Variants in USP43 observed in about 807,000 individuals in gnomAD.
USP43 encodes ubiquitin specific peptidase 43, also known as ubiquitin carboxyl-terminal hydrolase 43.
A neutral mutation model predicts 90.7 loss-of-function variants in USP43; 33 were observed. The ratio of observed to expected loss-of-function variants is 0.36; its 90% CI spans 0.28 to 0.49. USP43 has a LOEUF of 0.49. Among genes scored for constraint, USP43 ranks in the 20% least tolerant of loss-of-function variants. The probability of loss-of-function intolerance (pLI) is 0.98; values close to 1 mark genes in which losing one functional copy is unlikely to be tolerated. For synonymous variants in USP43, 598 were observed against 615.8 expected (o/e 0.97, Z 0.43); for missense variants, 1,274 against 1,476.4 (o/e 0.86, Z 2.25).
intron 3 of USP43, among the ~76,000 whole-genome samples, chr17:9,668,652 T>G (rs1913198091): frequency 6.6e-6 from 1 of 152,184 alleles, no homozygotes; most frequent in Non-Finnish European, 1.5e-5. Flanking sequence ...GGTTGTTTAG[T>G]ATACAGGGTA....
intron 9 of USP43, among the ~76,000 whole-genome samples, chr17:9,694,249 G>T (rs1915125482): frequency 6.6e-6 from 1 of 152,114 alleles, no homozygotes; most frequent in African/African-American, 2.4e-5. Flanking sequence ...AACCAGGGTA[G>T]CAGGTGAGCC....
intron 2 of USP43, among the ~76,000 whole-genome samples, chr17:9,664,394 C>T (rs904091651): frequency 7.9e-5 from 12 of 152,156 alleles, no homozygotes; most frequent in African/African-American, 2.7e-4. Flanking sequence ...CTGGTTCTGT[C>T]GTCTGCTTTC....
In USP43 at chr17:9,686,713, G is replaced by T; in HGVS notation, c.1242-85G>T. 1 of 1,184,266 alleles carries T rather than the reference G, an allele frequency of 8.4e-7. No homozygotes were observed. 73.4% of individuals were successfully genotyped at this position (1,184,266 alleles called of 1,614,324 possible). A position where few individuals can be genotyped will look rare whatever the true frequency, so the allele number is the denominator to read the frequency against. The stretch of plus-strand genomic sequence containing the variant: ...TTGTCACTTATCCTATTGACAGGAA[G>T]CCAGGGTTAGAACAACCACTCATGA... On this transcript the variant is annotated intron_variant, in intron 7 of 14. Transcript: ENST00000285199. This position sits in a 1 kb window ranked among gnomAD's most constrained non-coding sequence, Gnocchi z 5.5.
At chr17:9,707,198 C>T (rs1047630529) in intron 12 of USP43, among the ~76,000 whole-genome samples, 6 of 152,102 alleles carry the variant, frequency 3.9e-5, no homozygotes, top group Admixed American at 6.6e-5. Flanking sequence ...ATCATGACCT[C>T]CTGATGTGCG....
At chr17:9,654,058 G>A (rs1447324602) in intron 1 of USP43, among the ~76,000 whole-genome samples, 1 of 152,162 alleles carries the variant, frequency 6.6e-6, no homozygotes, top group Non-Finnish European at 1.5e-5. Flanking sequence ...GAGATTTTGA[G>A]TTGGAAGGGC....
intron 3 of USP43, among the ~76,000 whole-genome samples, chr17:9,671,171 T>C (rs550952693): frequency 6.6e-6 from 1 of 152,350 alleles, no homozygotes; most frequent in South Asian, 2.1e-4. Context: ...TCCTGGACTA[T>C]AGCAAAGATA....
At position 9,682,852 on chromosome 17, in the gene USP43, C is replaced by A; in HGVS notation, c.1135C>A (p.Arg379Ser). ...AHPLGLSASP[R>S]LAAREGQRFS... is the part of the protein sequence containing the mutation. ...TCCACTGGGTCTGTCGGCCTCCCCA[C>A]GCCTGGCAGCCCGTGAGGGCCAGCG... Residue 379 changes from arginine (R) to serine (S), a missense_variant, in exon 7 of 15, where the codon CGC becomes AGC. By Grantham distance (110) the Arg-to-Ser change is moderately radical. Coordinates refer to ENST00000285199, the MANE Select transcript of USP43 (RefSeq NM_153210.5). 6.2e-7 allele frequency: 1 copy of A among 1,614,012 alleles called. No individual in the cohort carries two copies. Among genetic ancestry groups the A allele is most frequent in the Non-Finnish European group, 8.5e-7 (1 of 1,179,876 alleles).
chr17:9,673,342 C>T (rs1338841084), intron 3 of USP43, among the ~76,000 whole-genome samples: 1 of 151,974 alleles, frequency 6.6e-6, no homozygotes, highest in Non-Finnish European at 1.5e-5. Context: ...CCCGTCTCTA[C>T]TGAAAAAAAT....
chr17:9,666,834 T>A (rs1858379678), intron 3 of USP43, 83 bp downstream of exon 3: 1 of 1,118,334 alleles, frequency 8.9e-7, no homozygotes, highest in Non-Finnish European at 1.3e-6. Context: ...ATTGACAGAT[T>A]TACCCTGAGA....
At chr17:9,720,180 G>C (rs1916857415) in intron 14 of USP43, among the ~76,000 whole-genome samples, 1 of 151,806 alleles carries the variant, frequency 6.6e-6, no homozygotes, top group Admixed American at 6.6e-5. Context: ...GCAAAAATTA[G>C]TTGGGCATGG....
chr17:9,645,691 G>A lies in USP43; in HGVS notation c.59G>A (p.Arg20His). Residue 20 changes from arginine (R) to histidine (H), a missense_variant, in exon 1 of 15, where the codon CGC becomes CAC. Coordinates refer to ENST00000285199, the MANE Select transcript of USP43 (RefSeq NM_153210.5). The surrounding 1 kb of genome is among the most constrained non-coding windows in gnomAD (Gnocchi z 6.8). ...GGGPLAPRPR[R>H]RRSLRRLFSR... is the part of the protein sequence containing the mutation. ...GGACCGCTCGCGCCCCGGCCCCGCC[G>A]CCGCCGCTCCCTGCGCCGCCTGTTC... The A allele has an allele frequency of 3.1e-6, 4 of 1,292,736 alleles. No homozygotes were observed. The highest frequency in any genetic ancestry group is 2.5e-5 in the South Asian group (1 of 40,476). The allele number at this position is 1,292,736 out of a possible 1,614,324, so 80.1% of individuals were successfully genotyped here. A position where few individuals can be genotyped will look rare whatever the true frequency, so the allele number is the denominator to read the frequency against.
chr17:9,660,016 G>A (rs1356452513), intron 2 of USP43, among the ~76,000 whole-genome samples: 1 of 152,128 alleles, frequency 6.6e-6, no homozygotes, highest in Non-Finnish European at 1.5e-5. Flanking sequence ...ATGGGAATGG[G>A]GATGGTGACA....
rs954621887 is a variant in USP43 at position 9,646,539 on chromosome 17, G to T, written c.504+403G>T. Among the ~76,000 whole-genome samples the T allele has an allele frequency of 2.6e-5, 4 of 152,128 alleles. 1 individual carries two copies. The highest frequency in any genetic ancestry group is 2.0e-4 in the Admixed American group (3 of 15,272). ...CTCAGAGGAAGGAGGTGATGCTTGC[G>T]TTGAGATCTGAATGATGAGAAGGAT... On this transcript the variant is annotated intron_variant, in intron 1 of 14. Coordinates refer to ENST00000285199, the MANE Select transcript of USP43 (RefSeq NM_153210.5).
At chr17:9,726,639 C>T (rs1917288757) in intron 14 of USP43, among the ~76,000 whole-genome samples, 1 of 152,184 alleles carries the variant, frequency 6.6e-6, no homozygotes, top group Non-Finnish European at 1.5e-5. Context: ...ACCTAATTAC[C>T]ACCCAGCAGC....
chr17:9,688,971 G>C (rs1426832851), intron 8 of USP43, among the ~76,000 whole-genome samples: 3 of 152,174 alleles, frequency 2.0e-5, no homozygotes, highest in Admixed American at 6.5e-5. Context: ...TTACAGGTGT[G>C]AGCCACTGTG....
intron 4 of USP43, among the ~76,000 whole-genome samples, chr17:9,675,938 C>T (rs1009501366): frequency 1.3e-5 from 2 of 152,108 alleles, no homozygotes; most frequent in African/African-American, 2.4e-5. Context: ...GGCCCAGGTT[C>T]GAATCCCAGC....
Position 9,728,743 on chromosome 17 carries a change from C to T in USP43, c.3125C>T (p.Pro1042Leu). The change falls in exon 15 of 15, where the codon CCT (proline) becomes CTT (leucine). Residue 1042 changes from proline (P) to leucine (L), a missense_variant. Pro to Leu is a moderately conservative substitution (Grantham distance 98). This residue lies in a region of USP43 where 353 missense variants were observed against 329.7 expected (regional missense o/e 1.07). Transcript: ENST00000285199. This position sits in a 1 kb window ranked among gnomAD's most constrained non-coding sequence, Gnocchi z 6.2. The part of the protein sequence containing the change: ...PAMDGQAPGS[P>L]PALRIPEGLA... ...ATGGACGGGCAGGCTCCAGGCTCAC[C>T]TCCTGCCCTCAGGATCCCAGAGGGC... 1.9e-6 allele frequency: 3 copies of T among 1,601,844 alleles called. No homozygotes were observed. The highest frequency in any genetic ancestry group is 2.6e-6 in the Non-Finnish European group (3 of 1,174,496).
intron 2 of USP43, among the ~76,000 whole-genome samples, chr17:9,661,317 A>C (rs187875547): frequency 6.6e-6 from 1 of 152,266 alleles, no homozygotes; most frequent in Non-Finnish European, 1.5e-5. Flanking sequence ...TGCAGGGAAG[A>C]TACACAATAC....
chr17:9,711,240 TGCTGGGGC>T (rs1205899206), intron 13 of USP43, among the ~76,000 whole-genome samples: 7 of 152,198 alleles, frequency 4.6e-5, no homozygotes, highest in African/African-American at 1.7e-4. Flanking sequence ...GAACTGTGCA[TGCTGGGGC>T]CCTGGTACTG....
Sources: gnomAD v4.1 joint callset for allele counts (sites outside exome capture counted in the v4.1 genomes callset) on GRCh38, gnomAD v4.1.1 for gene constraint, gnomAD v4.1.1 regional missense constraint, Gnocchi (gnomAD v3.1) non-coding constraint, MANE v1.5 for transcripts, NCBI Gene and HGNC (gene_info 2026-07-23, HGNC 2026-07-21) for gene names.